The following SHANK2 variants were observed in gnomAD, a reference collection of about 807,000 sequenced individuals.
SHANK2 encodes SH3 and multiple ankyrin repeat domains protein 2.
In SHANK2, 43 loss-of-function variants were observed where a neutral mutation model predicts 133.7. The ratio of observed to expected loss-of-function variants is 0.32; its 90% CI spans 0.25 to 0.41. The LOEUF (loss-of-function observed/expected upper bound fraction) is 0.41, where lower values mean the gene tolerates loss of function less well. Ranked by LOEUF, SHANK2 falls within the 10% of genes least tolerant of loss-of-function variation. The pLI is 1.00. For synonymous variants in SHANK2, 1,017 were observed against 952.8 expected, an observed-to-expected ratio of 1.07 and a Z score of -1.24; for missense variants, 1,994 against 2,235.8, an observed-to-expected ratio of 0.89 and a Z score of 2.18.
chr11:71,196,997 CAAA>C (rs71467429), intron 2 of SHANK2, among the ~76,000 whole-genome samples: 5 of 81,906 alleles, frequency 6.1e-5, no homozygotes, highest in Non-Finnish European at 9.5e-5. Flanking sequence ...GACTCTGTCT[CAAA>C]AAAAAAAAAA....
At chr11:71,220,710 TC>T (rs1473319183) in intron 2 of SHANK2, among the ~76,000 whole-genome samples, 5 of 152,058 alleles carry the variant, frequency 3.3e-5, no homozygotes, top group African/African-American at 1.2e-4. Flanking sequence ...CCCATGAGGT[TC>T]CTAGAGTGGG....
At position 70,925,838 on chromosome 11, in the gene SHANK2, C is replaced by G. The variant is rs76274790; in HGVS notation, c.1108-29271G>C. On this transcript the variant is annotated intron_variant, in intron 10 of 25. Coordinates refer to ENST00000601538, the MANE Select transcript of SHANK2 (RefSeq NM_012309.5). ...TGCCACAAATACAAAATTAGCAATA[C>G]TGAGCTGTTGCTCCTAGGAGAAACA... Among the ~76,000 whole-genome samples, 891 of 152,298 alleles carry G rather than the reference C, an allele frequency of 5.9e-3. 23 individuals are homozygous for G. The highest frequency in any genetic ancestry group is 0.04 in the East Asian group (209 of 5,178).
chr11:71,171,433 C>A (rs1028590012), intron 2 of SHANK2, among the ~76,000 whole-genome samples: 1 of 152,130 alleles, frequency 6.6e-6, no homozygotes, highest in Non-Finnish European at 1.5e-5. Context: ...GCTTAAAATG[C>A]CCCCAAGTGA....
At chr11:70,912,590 G>C (rs933528289) in intron 10 of SHANK2, among the ~76,000 whole-genome samples, 1 of 152,154 alleles carries the variant, frequency 6.6e-6, no homozygotes, top group Admixed American at 6.5e-5. Flanking sequence ...CCCCAGCCGT[G>C]TGGAACTGTA....
intron 25 of SHANK2, among the ~76,000 whole-genome samples, chr11:70,483,920 G>A (rs1401015331): frequency 6.6e-6 from 1 of 152,204 alleles, no homozygotes; most frequent in Admixed American, 6.5e-5. Context: ...AAAAATAACT[G>A]GGAAAATTGG....
intron 15 of SHANK2, among the ~76,000 whole-genome samples, chr11:70,693,586 C>G (rs561514261): frequency 6.6e-6 from 1 of 152,218 alleles, no homozygotes; most frequent in Non-Finnish European, 1.5e-5. Context: ...AAGTGAGATC[C>G]TCTGCTTCAT....
chr11:71,119,847 G>A (rs538429220), intron 3 of SHANK2, among the ~76,000 whole-genome samples: 3 of 152,086 alleles, frequency 2.0e-5, no homozygotes, highest in Non-Finnish European at 2.9e-5. Context: ...GCCACAGCCC[G>A]CGCATATTTC....
chr11:70,816,699 G>T (rs1159415643), intron 12 of SHANK2, among the ~76,000 whole-genome samples: 1 of 152,200 alleles, frequency 6.6e-6, no homozygotes, highest in Non-Finnish European at 1.5e-5. Flanking sequence ...GCCTCCAAAA[G>T]GCCCTGGGTT....
intron 17 of SHANK2, among the ~76,000 whole-genome samples, chr11:70,577,751 A>G (rs1554984596): frequency 6.6e-6 from 1 of 152,184 alleles, no homozygotes; most frequent in African/African-American, 2.4e-5. Flanking sequence ...AACGGAGGTA[A>G]ACTGTGGGTC....
At chr11:71,137,386 G>A (rs576021499) in intron 3 of SHANK2, among the ~76,000 whole-genome samples, 1 of 151,356 alleles carries the variant, frequency 6.6e-6, no homozygotes, top group Non-Finnish European at 1.5e-5. Context: ...AGAAAGTTAC[G>A]GTCATAGCAT....
Position 70,596,780 on chromosome 11 carries a change from G to T in SHANK2, c.2061+63048C>A, listed in dbSNP as rs192875592. Among the ~76,000 whole-genome samples, 726 of 152,242 alleles carry T rather than the reference G, an allele frequency of 4.8e-3. 7 individuals carry two copies. Among genetic ancestry groups the T allele is most frequent in the Non-Finnish European group, 8.1e-3 (553 of 68,024 alleles). ...GGCACTTTGGTGGGGTACACTCAGG[G>T]GCTGTCTGGAGCTGTGCTCTCCCCC... On this transcript the variant is annotated intron_variant, in intron 17 of 25. Transcript: ENST00000601538.
chr11:71,200,752 C>T (rs548621369), intron 2 of SHANK2, among the ~76,000 whole-genome samples: 2 of 152,144 alleles, frequency 1.3e-5, no homozygotes, highest in South Asian at 2.1e-4. Flanking sequence ...TCTGCATGCT[C>T]AGTCAGGAGC....
chr11:70,580,658 C>A (rs1287250666), intron 17 of SHANK2, among the ~76,000 whole-genome samples: 1 of 152,232 alleles, frequency 6.6e-6, no homozygotes, highest in East Asian at 1.9e-4. Flanking sequence ...ACTGGCTCAG[C>A]GGTTACAGGA....
chr11:70,909,624 A>T (rs1555078592), intron 10 of SHANK2, among the ~76,000 whole-genome samples: 2 of 152,136 alleles, frequency 1.3e-5, no homozygotes, highest in Admixed American at 1.3e-4. Context: ...TGCATAAAGG[A>T]AGGCCCTGTC....
intron 15 of SHANK2, among the ~76,000 whole-genome samples, chr11:70,692,016 T>C (rs934609935): frequency 9.2e-5 from 14 of 152,334 alleles, no homozygotes; most frequent in African/African-American, 3.1e-4. Context: ...GGCTTCCAAA[T>C]TAACTGCGAG....
At chr11:70,619,932 G>A (rs80053868) in intron 17 of SHANK2, among the ~76,000 whole-genome samples, 37 of 152,322 alleles carry the variant, frequency 2.4e-4, no homozygotes, top group African/African-American at 8.9e-4. Context: ...TGATGCTCAG[G>A]GAGGCAGGAG....
intron 15 of SHANK2, among the ~76,000 whole-genome samples, chr11:70,676,063 C>G (rs111483091): frequency 1.3e-5 from 2 of 152,324 alleles, no homozygotes; most frequent in African/African-American, 4.8e-5. Context: ...CAGTTGAACT[C>G]CTATTCATTC....
intron 14 of SHANK2, among the ~76,000 whole-genome samples, chr11:70,796,026 C>G (rs1947902174): frequency 6.6e-6 from 1 of 152,138 alleles, no homozygotes; most frequent in Non-Finnish European, 1.5e-5. Flanking sequence ...CTCTGTCTTA[C>G]CCCTTAAATA....
chr11:70,725,965 G>T (rs1449192822), intron 14 of SHANK2, among the ~76,000 whole-genome samples: 5 of 152,220 alleles, frequency 3.3e-5, no homozygotes, highest in Non-Finnish European at 7.3e-5. Context: ...TGTCGAAGCA[G>T]CTGGATGCCC....
Sources: gnomAD v4.1 joint callset for allele counts (sites outside exome capture counted in the v4.1 genomes callset) on GRCh38, gnomAD v4.1.1 for gene constraint, MANE v1.5 for transcripts, NCBI Gene and HGNC (gene_info 2026-07-23, HGNC 2026-07-21) for gene names.